FBXW11: variants seen among roughly 807,000 people sequenced by gnomAD.
FBXW11 encodes the protein F-box/WD repeat-containing protein 11.
In FBXW11, 19 loss-of-function variants were observed where a neutral mutation model predicts 77.6. The observed-to-expected ratio is 0.24, with a 90% CI of 0.17 to 0.36. The LOEUF (loss-of-function observed/expected upper bound fraction) is 0.36, where lower values mean the gene tolerates loss of function less well. FBXW11 is among the 10% of genes least tolerant of loss of function. The pLI is 1.00. For missense variants in FBXW11, 334 were observed against 704.2 expected (o/e 0.47, Z 5.95); for synonymous variants, 235 against 249.4 (o/e 0.94, Z 0.54).
chr5:171,988,095 T>G (rs1765540825), intron 1 of FBXW11, among the ~76,000 whole-genome samples: 1 of 152,218 alleles, frequency 6.6e-6, no homozygotes, highest in African/African-American at 2.4e-5. Context: ...AAAGTCTCTC[T>G]AATATTACAT....
At chr5:171,875,110 C>CA (rs1757990678) in intron 9 of FBXW11, among the ~76,000 whole-genome samples, 1 of 152,096 alleles carries the variant, frequency 6.6e-6, no homozygotes, top group Non-Finnish European at 1.5e-5. Flanking sequence ...AAATTTTATT[C>CA]AGCCACTGGA....
chr5:171,962,469 G>A (rs1763962631), intron 1 of FBXW11, among the ~76,000 whole-genome samples: 1 of 152,184 alleles, frequency 6.6e-6, no homozygotes, highest in South Asian at 2.1e-4. Context: ...TACCTAATTA[G>A]ATTGTATATT....
rs1398504403 is a variant in FBXW11, at chr5:171,972,598, G to A, written c.46-14900C>T. On this transcript the variant is annotated intron_variant, in intron 1 of 13. Coordinates refer to ENST00000517395, the MANE Select transcript of FBXW11 (RefSeq NM_001378974.1). ...CTCACTCTGTCACCCAGGCTGGAGT[G>A]CAATGACGCGATCTTGGCTCACTGC... Among the ~76,000 whole-genome samples the A allele has an allele frequency of 3.3e-5, 5 of 149,530 alleles. 1 individual carries two copies. The highest frequency in any genetic ancestry group is 1.2e-4 in the African/African-American group (5 of 40,570).
chr5:171,878,632 G>GT (rs1554094797), intron 7 of FBXW11, among the ~76,000 whole-genome samples: 1 of 149,124 alleles, frequency 6.7e-6, no homozygotes, highest in East Asian at 1.9e-4. Context: ...GTGTGTGTGT[G>GT]TTTTAATTAG....
intron 1 of FBXW11, among the ~76,000 whole-genome samples, chr5:172,001,677 C>G (rs775332696): frequency 6.6e-6 from 1 of 152,170 alleles, no homozygotes; most frequent in African/African-American, 2.4e-5. Flanking sequence ...ATAGGCAGTG[C>G]TATACAGACA....
At chr5:171,927,377 A>G (rs1210141962) in intron 2 of FBXW11, among the ~76,000 whole-genome samples, 1 of 152,256 alleles carries the variant, frequency 6.6e-6, no homozygotes, top group Non-Finnish European at 1.5e-5. Context: ...GAGCAAGAAA[A>G]GAGTGGCAAT....
intron 1 of FBXW11, among the ~76,000 whole-genome samples, chr5:171,984,277 T>C (rs982714431): frequency 6.6e-6 from 1 of 152,240 alleles, no homozygotes; most frequent in Non-Finnish European, 1.5e-5. Flanking sequence ...AAAAATTCAT[T>C]GAGCTGTACA....
intron 4 of FBXW11, among the ~76,000 whole-genome samples, chr5:171,907,727 C>G (rs1156972160): frequency 6.6e-6 from 1 of 152,182 alleles, no homozygotes; most frequent in Non-Finnish European, 1.5e-5. Flanking sequence ...TCCACTTTAA[C>G]AGAGATATGG....
At chr5:171,890,453 C>T (rs182526816) in intron 7 of FBXW11, among the ~76,000 whole-genome samples, 94 of 150,810 alleles carry the variant, frequency 6.2e-4, no homozygotes, top group African/African-American at 2.2e-3. Context: ...ATTGCTTGAA[C>T]CCAGGAGGCA....
chr5:171,930,256 C>T (rs188336594), intron 2 of FBXW11, among the ~76,000 whole-genome samples: 154 of 152,234 alleles, frequency 1.0e-3, no homozygotes, highest in African/African-American at 3.6e-3. Flanking sequence ...AAACAAAAGG[C>T]AAATAGAGGA....
At chr5:171,993,255 C>T (rs1383664685) in intron 1 of FBXW11, among the ~76,000 whole-genome samples, 2 of 151,888 alleles carry the variant, frequency 1.3e-5, no homozygotes, top group African/African-American at 4.9e-5. Flanking sequence ...TCAGGTCTCT[C>T]TGACTTGTTT....
At chr5:171,920,569 T>A (rs149611772) in intron 2 of FBXW11, among the ~76,000 whole-genome samples, 166 of 152,050 alleles carry the variant, frequency 1.1e-3, no homozygotes, top group Non-Finnish European at 1.8e-3. Flanking sequence ...CTTAAAAAAA[T>A]TTAAAAATAA....
At chr5:171,973,665 C>T (rs1764656278) in intron 1 of FBXW11, among the ~76,000 whole-genome samples, 2 of 152,120 alleles carry the variant, frequency 1.3e-5, no homozygotes, top group African/African-American at 4.8e-5. Flanking sequence ...AAATCTTGGA[C>T]TTTAGTTAAT....
intron 6 of FBXW11, among the ~76,000 whole-genome samples, chr5:171,896,066 C>A (rs959141282): frequency 6.6e-6 from 1 of 152,146 alleles, no homozygotes; most frequent in Admixed American, 6.6e-5. Flanking sequence ...TGCACTAAGC[C>A]AGGTTCTCTA....
intron 9 of FBXW11, among the ~76,000 whole-genome samples, chr5:171,873,457 C>G (rs1391592385): frequency 6.6e-6 from 1 of 152,026 alleles, no homozygotes; most frequent in Non-Finnish European, 1.5e-5. Flanking sequence ...CCAGCCTGGG[C>G]AAAATAGTGA....
At chr5:171,956,486 G>T (rs1763620497) in intron 2 of FBXW11, among the ~76,000 whole-genome samples, 1 of 152,122 alleles carries the variant, frequency 6.6e-6, no homozygotes, top group African/African-American at 2.4e-5. Flanking sequence ...GTTCCCCAAA[G>T]AAAGCAATTT....
At chr5:171,881,075 C>A (rs1373517576) in intron 7 of FBXW11, among the ~76,000 whole-genome samples, 1 of 152,196 alleles carries the variant, frequency 6.6e-6, no homozygotes, top group Non-Finnish European at 1.5e-5. Context: ...AGTATATTAA[C>A]CTTGTATCCG....
chr5:171,993,157 T>C (rs1015810631), intron 1 of FBXW11, among the ~76,000 whole-genome samples: 1 of 151,616 alleles, frequency 6.6e-6, no homozygotes, highest in Non-Finnish European at 1.5e-5. Context: ...TGAATGAGGG[T>C]GTCTCAGTCC....
intron 2 of FBXW11, among the ~76,000 whole-genome samples, chr5:171,949,567 C>A (rs910465507): frequency 6.6e-6 from 1 of 152,004 alleles, no homozygotes; most frequent in Admixed American, 6.5e-5. Context: ...AAATGTCAAA[C>A]TGGGAGAAGT....
Sources: gnomAD v4.1 joint callset for allele counts (sites outside exome capture counted in the v4.1 genomes callset) on GRCh38, gnomAD v4.1.1 for gene constraint, MANE v1.5 for transcripts, NCBI Gene and HGNC (gene_info 2026-07-23, HGNC 2026-07-21) for gene names.